BZW2: variants seen among roughly 807,000 people sequenced by gnomAD.
BZW2 encodes the protein eIF5-mimic protein 1.
BZW2 carries 23 observed loss-of-function variants against 53.2 expected under a neutral mutation model. That is an observed-to-expected ratio of 0.43 (90% confidence interval 0.31 to 0.61). The LOEUF is 0.61. Among genes scored for constraint, BZW2 ranks in the 20% least tolerant of loss-of-function variants. The probability of loss-of-function intolerance (pLI) is 0.09; values close to 1 mark genes in which losing one functional copy is unlikely to be tolerated. For missense variants in BZW2, 409 were observed against 503.1 expected, an observed-to-expected ratio of 0.81 and a Z score of 1.79; for synonymous variants, 227 against 186.4, an observed-to-expected ratio of 1.22 and a Z score of -1.77.
At chr7:16,653,115 G>T (rs374062221) in intron 1 of BZW2, among the ~76,000 whole-genome samples, 5 of 152,030 alleles carry the variant, frequency 3.3e-5, no homozygotes, top group African/African-American at 9.7e-5. Context: ...CCTTCTGGGA[G>T]GATGGGAGTT....
intron 1 of BZW2, among the ~76,000 whole-genome samples, chr7:16,663,644 G>A (rs1782333628): frequency 1.3e-5 from 2 of 151,906 alleles, no homozygotes; most frequent in Admixed American, 1.3e-4. Flanking sequence ...CTTGAATAAT[G>A]TAAATTTTTT....
At chr7:16,657,404 C>T (rs1378605369) in intron 1 of BZW2, among the ~76,000 whole-genome samples, 1 of 152,118 alleles carries the variant, frequency 6.6e-6, no homozygotes, top group Non-Finnish European at 1.5e-5. Flanking sequence ...ATTTTTAAGT[C>T]ACACATTGTA....
At chr7:16,696,835 T>C in intron 8 of BZW2, 80 bp from the exon 9 acceptor site, 3 of 1,472,420 alleles carry the variant, frequency 2.0e-6, no homozygotes, top group Admixed American at 3.5e-5. Context: ...CCCAAAACCT[T>C]GATTGACTGG....
At chr7:16,659,085 AAC>A (rs1583703177) in intron 1 of BZW2, among the ~76,000 whole-genome samples, 1 of 151,890 alleles carries the variant, frequency 6.6e-6, no homozygotes, top group East Asian at 1.9e-4. Flanking sequence ...AACATGGCGA[AAC>A]TCTTAAAAAC....
At chr7:16,705,602 A>G (rs750720640) in intron 11 of BZW2, among the ~76,000 whole-genome samples, 23 of 148,626 alleles carry the variant, frequency 1.5e-4, no homozygotes, top group South Asian at 6.4e-4. Flanking sequence ...GGAGAATGGC[A>G]TGAACACAGG....
chr7:16,651,434 G>A (rs1221853884), intron 1 of BZW2, among the ~76,000 whole-genome samples: 2 of 152,090 alleles, frequency 1.3e-5, no homozygotes, highest in African/African-American at 2.4e-5. Context: ...AGACTTTAAT[G>A]GTTTTCAAAC....
chr7:16,694,010 A>T (rs1783403160), intron 7 of BZW2, among the ~76,000 whole-genome samples: 5 of 152,220 alleles, frequency 3.3e-5, no homozygotes, highest in Non-Finnish European at 7.3e-5. Flanking sequence ...AAGCTTGGAT[A>T]TATTTTTTAG....
chr7:16,668,205 G>C (rs1367516236), intron 2 of BZW2, among the ~76,000 whole-genome samples: 1 of 152,146 alleles, frequency 6.6e-6, no homozygotes, highest in East Asian at 1.9e-4. Context: ...CACTGGAACT[G>C]AGCTCAAGAG....
intron 3 of BZW2, among the ~76,000 whole-genome samples, chr7:16,677,076 G>C (rs1316824448): frequency 7.7e-6 from 1 of 129,290 alleles, no homozygotes; most frequent in Non-Finnish European, 1.6e-5. Context: ...TTTGGCAGTT[G>C]CAAGATTTAA....
intron 1 of BZW2, among the ~76,000 whole-genome samples, chr7:16,647,324 T>C (rs942401187): frequency 5.9e-5 from 9 of 152,322 alleles, no homozygotes; most frequent in African/African-American, 2.2e-4. Flanking sequence ...AGTAATTATG[T>C]AGGTGGTTTT....
At chr7:16,686,499 A>G (rs1419497925) in intron 6 of BZW2, 2 of 162,260 alleles carry the variant, frequency 1.2e-5, no homozygotes, top group Non-Finnish European at 2.7e-5. Context: ...GTTTTAGAAA[A>G]CAATTTTAAG....
chr7:16,693,069 A>T (rs1783365281), intron 7 of BZW2, among the ~76,000 whole-genome samples: 1 of 152,186 alleles, frequency 6.6e-6, no homozygotes, highest in African/African-American at 2.4e-5. Context: ...TTGTATTCCA[A>T]ATAAGATAGA....
chr7:16,665,405 A>G (rs1242846303), intron 1 of BZW2, 32 bp from the exon 2 acceptor site: 10 of 1,613,452 alleles, frequency 6.2e-6, no homozygotes, highest in Non-Finnish European at 7.6e-6. Context: ...TGCTTATCTG[A>G]AATACATAAT....
chr7:16,681,918 A>T (rs984353558), intron 4 of BZW2, among the ~76,000 whole-genome samples: 7 of 152,178 alleles, frequency 4.6e-5, no homozygotes, highest in Non-Finnish European at 2.9e-5. Flanking sequence ...GATCAGGAGA[A>T]TTCGTTTTTC....
At chr7:16,666,853 G>A (rs1011366469) in intron 2 of BZW2, among the ~76,000 whole-genome samples, 2 of 152,140 alleles carry the variant, frequency 1.3e-5, no homozygotes, top group African/African-American at 4.8e-5. Flanking sequence ...GGGTTCAAGC[G>A]ATGTTCATGT....
intron 1 of BZW2, among the ~76,000 whole-genome samples, chr7:16,656,076 T>C (rs1782112879): frequency 6.6e-6 from 1 of 150,580 alleles, no homozygotes. Flanking sequence ...TCAATAGTCA[T>C]ATATATGTGT....
intron 2 of BZW2, among the ~76,000 whole-genome samples, chr7:16,672,112 C>T (rs1245288410): frequency 2.6e-5 from 4 of 151,948 alleles, no homozygotes; most frequent in Non-Finnish European, 5.9e-5. Context: ...TTGCTTTGTT[C>T]CCAGTATTCT....
chr7:16,682,580 C>T (rs541938348), intron 4 of BZW2, among the ~76,000 whole-genome samples, 200 bp from the exon 5 acceptor site: 6 of 152,054 alleles, frequency 3.9e-5, no homozygotes, highest in East Asian at 3.9e-4. Flanking sequence ...TTTTATCTTA[C>T]GTGTACATTT....
intron 10 of BZW2, among the ~76,000 whole-genome samples, chr7:16,702,291 C>T (rs371069941): frequency 6.6e-6 from 1 of 152,116 alleles, no homozygotes; most frequent in Non-Finnish European, 1.5e-5. Context: ...GATGTTCATA[C>T]TTTGCCTCAT....
Sources: gnomAD v4.1 joint callset for allele counts (sites outside exome capture counted in the v4.1 genomes callset) on GRCh38, gnomAD v4.1.1 for gene constraint, MANE v1.5 for transcripts, NCBI Gene and HGNC (gene_info 2026-07-23, HGNC 2026-07-21) for gene names.